The following NAA16 variants were observed in gnomAD, a reference collection of about 807,000 sequenced individuals.
NAA16 encodes N-alpha-acetyltransferase 16, NatA auxiliary subunit.
Under a neutral mutation model 110.3 loss-of-function variants are expected in NAA16, and 97 were observed. The ratio of observed to expected loss-of-function variants is 0.88; its 90% CI spans 0.75 to 1.04. NAA16 has a LOEUF of 1.04. Ranked by LOEUF, NAA16 falls within the 50% of genes least tolerant of loss-of-function variation. NAA16 has a pLI of 0.00. For missense variants in NAA16, 1,017 were observed against 1,005.1 expected (o/e 1.01, Z -0.16); for synonymous variants, 372 against 330.6 (o/e 1.13, Z -1.36).
At chr13:41,320,452 T>A (rs1415131011) in intron 3 of NAA16, among the ~76,000 whole-genome samples, 1 of 152,210 alleles carries the variant, frequency 6.6e-6, no homozygotes, top group Non-Finnish European at 1.5e-5. Context: ...CTTTCCCATG[T>A]GGCCATTACC....
intron 9 of NAA16, among the ~76,000 whole-genome samples, chr13:41,342,886 T>C (rs967952228): frequency 2.6e-5 from 4 of 152,198 alleles, no homozygotes; most frequent in African/African-American, 9.7e-5. Context: ...GTAGCACTCT[T>C]CCATCAGTTT....
chr13:41,357,155 T>C (rs2043008228), intron 10 of NAA16, among the ~76,000 whole-genome samples: 1 of 152,200 alleles, frequency 6.6e-6, no homozygotes, highest in African/African-American at 2.4e-5. Flanking sequence ...ACCCTGTCCC[T>C]ACAAAAAATT....
chr13:41,350,440 C>T (rs1357943239), intron 9 of NAA16, among the ~76,000 whole-genome samples: 1 of 151,706 alleles, frequency 6.6e-6, no homozygotes, highest in Non-Finnish European at 1.5e-5. Context: ...ACTACAGGCG[C>T]CCGCCACCAT....
chr13:41,345,044 A>T (rs980052492), intron 9 of NAA16, among the ~76,000 whole-genome samples: 1 of 152,216 alleles, frequency 6.6e-6, no homozygotes, highest in African/African-American at 2.4e-5. Context: ...TTGTAGCATG[A>T]ATCAGTACTT....
At chr13:41,346,584 T>C (rs1300801237) in intron 9 of NAA16, among the ~76,000 whole-genome samples, 2 of 152,060 alleles carry the variant, frequency 1.3e-5, no homozygotes, top group African/African-American at 2.4e-5. Flanking sequence ...GCGAACAGTT[T>C]AGTTTGAATA....
intron 9 of NAA16, among the ~76,000 whole-genome samples, chr13:41,341,926 G>A (rs1467049469): frequency 6.6e-6 from 1 of 151,222 alleles, no homozygotes; most frequent in African/African-American, 2.4e-5. Context: ...CCACCTCCTG[G>A]GTTCGCGCCA....
chr13:41,325,911 T>G, intron 6 of NAA16, 60 bp downstream of exon 6: 6 of 1,370,634 alleles, frequency 4.4e-6, no homozygotes, highest in Non-Finnish European at 6.0e-6. Flanking sequence ...CTATATATTT[T>G]ATTCTCTCCT....
chr13:41,353,650 T>G (rs2042901032), intron 9 of NAA16, among the ~76,000 whole-genome samples: 1 of 151,682 alleles, frequency 6.6e-6, no homozygotes, highest in African/African-American at 2.4e-5. Context: ...GCCTGTAGTC[T>G]TAGTTGCTTG....
At chr13:41,365,157 T>C (rs1370863996) in intron 13 of NAA16, among the ~76,000 whole-genome samples, 1 of 152,136 alleles carries the variant, frequency 6.6e-6, no homozygotes, top group African/African-American at 2.4e-5. Flanking sequence ...ACTAACTTTA[T>C]CTGTTGGTGT....
chr13:41,311,610 C>T (rs747707001), intron 1 of NAA16, 28 bp downstream of exon 1: 16 of 1,593,740 alleles, frequency 1.0e-5, no homozygotes, highest in South Asian at 4.5e-5. Context: ...GCGCTGCCGC[C>T]CCCCGGTCCC....
At chr13:41,351,071 G>A (rs922293654) in intron 9 of NAA16, among the ~76,000 whole-genome samples, 1 of 152,244 alleles carries the variant, frequency 6.6e-6, no homozygotes, top group Middle Eastern at 3.4e-3. Flanking sequence ...CAACATCCAG[G>A]TTTGCCTAGG....
intron 9 of NAA16, among the ~76,000 whole-genome samples, chr13:41,342,837 C>G (rs1486958054): frequency 1.3e-5 from 2 of 152,278 alleles, no homozygotes; most frequent in East Asian, 3.9e-4. Context: ...TATAAGGAAT[C>G]TTATCTCCTC....
intron 9 of NAA16, among the ~76,000 whole-genome samples, chr13:41,337,167 A>G (rs2042402353): frequency 6.6e-6 from 1 of 152,194 alleles, no homozygotes; most frequent in Non-Finnish European, 1.5e-5. Context: ...GGTACAAATT[A>G]CTAGGTTTAA....
intron 12 of NAA16, among the ~76,000 whole-genome samples, chr13:41,360,685 TAATG>T (rs946692336): frequency 6.6e-6 from 1 of 152,144 alleles, no homozygotes; most frequent in Admixed American, 6.5e-5. Context: ...GTGAACAACA[TAATG>T]AGGCAGGGGA....
At chr13:41,356,949 C>A (rs929658994) in intron 10 of NAA16, among the ~76,000 whole-genome samples, 1 of 152,152 alleles carries the variant, frequency 6.6e-6, no homozygotes, top group South Asian at 2.1e-4. Flanking sequence ...TTGAGACATT[C>A]TGGTTTTCTC....
intron 19 of NAA16, 41 bp downstream of exon 19, chr13:41,374,880 A>G (rs2043398219): frequency 8.2e-7 from 1 of 1,226,182 alleles, no homozygotes; most frequent in Admixed American, 1.9e-5. Flanking sequence ...TTACACAGTG[A>G]TCTAACAAAA....
Position 41,336,737 on chromosome 13 carries a change from T to C in NAA16, c.995T>C (p.Leu332Ser). Residue 332 changes from leucine (L) to serine (S), a missense_variant, in exon 9 of 20, where the codon TTA (leucine) becomes TCA (serine). Coordinates refer to ENST00000379406, the MANE Select transcript of NAA16 (RefSeq NM_024561.5). ...CPPLFTTLKSLYYNTEKVSII... is the reference protein window; with the variant it reads ...CPPLFTTLKSSYYNTEKVSII... ...CCCTTGTTTACTACTTTGAAATCTT[T>C]ATATTACAATACAGAAAAGGTAAAA... The C allele has an allele frequency of 6.3e-7, 1 of 1,598,708 alleles. No homozygotes were observed. The highest frequency in any genetic ancestry group is 2.2e-5 in the East Asian group (1 of 44,536).
At chr13:41,325,435 T>A (rs2042067640) in intron 5 of NAA16, among the ~76,000 whole-genome samples, 1 of 152,182 alleles carries the variant, frequency 6.6e-6, no homozygotes. Flanking sequence ...TTTTGTAGAT[T>A]CTATAGTATT....
intron 7 of NAA16, among the ~76,000 whole-genome samples, 167 bp downstream of exon 7, chr13:41,329,010 C>T (rs900532627): frequency 2.0e-5 from 3 of 151,932 alleles, no homozygotes; most frequent in Admixed American, 2.0e-4. Flanking sequence ...CAAATAGTTA[C>T]ACTTAAGTGT....
Sources: allele counts gnomAD v4.1 joint callset (sites outside exome capture counted in the v4.1 genomes callset), GRCh38; gene constraint gnomAD v4.1.1; transcripts MANE v1.5; gene names NCBI Gene and HGNC (gene_info 2026-07-23, HGNC 2026-07-21).